The following ZSCAN25 variants were observed in gnomAD, a reference collection of about 807,000 sequenced individuals.
ZSCAN25 encodes zinc finger and SCAN domain-containing protein 25.
A neutral mutation model predicts 38.7 loss-of-function variants in ZSCAN25; 27 were observed. The ratio of observed to expected loss-of-function variants is 0.70; its 90% CI spans 0.51 to 0.96. The LOEUF (loss-of-function observed/expected upper bound fraction) is 0.96, where lower values mean the gene tolerates loss of function less well. Among genes scored for constraint, ZSCAN25 ranks in the 40% least tolerant of loss-of-function variants. ZSCAN25 has a pLI of 0.00. For missense variants in ZSCAN25, 637 were observed against 705.9 expected, an observed-to-expected ratio of 0.90 and a Z score of 1.11; for synonymous variants, 273 against 277.7, an observed-to-expected ratio of 0.98 and a Z score of 0.17.
Position 99,624,146 on chromosome 7 carries a change from G to A in ZSCAN25, c.771G>A (p.Glu257=), listed in dbSNP as rs1164852430. ...VTPAQIDCFG[E]YVEPQDCRVS... The stretch of plus-strand genomic sequence containing the variant: ...CAGCCCAGATAGACTGCTTTGGGGA[G>A]TATGTGGAACCGCAGGACTGCAGGG... The change falls in exon 7 of 8, where the codon GAG becomes GAA. Residue 257 remains glutamate (E), a synonymous_variant. Transcript: ENST00000394152. The A allele has an allele frequency of 2.5e-6, 4 of 1,613,910 alleles. No homozygotes were observed. The South Asian group carries it at 3.3e-5, about 13-fold the overall frequency.
At chr7:99,716,052 C>G in the ZSCAN25 span, 1 of 1,513,258 alleles carries the variant, frequency 6.6e-7, no homozygotes, top group Non-Finnish European at 9.0e-7. Flanking sequence ...TCTCCCATCA[C>G]ACTCCCTCAG....
the ZSCAN25 span, among the ~76,000 whole-genome samples, chr7:99,716,102 G>T: frequency 6.6e-6 from 1 of 152,152 alleles, no homozygotes; most frequent in African/African-American, 2.4e-5. Flanking sequence ...CTGGCTCTCC[G>T]CTGGGGGTGA....
the ZSCAN25 span, among the ~76,000 whole-genome samples, chr7:99,662,487 G>C: frequency 6.6e-6 from 1 of 152,198 alleles, no homozygotes; most frequent in Non-Finnish European, 1.5e-5. The surrounding 1 kb of genome is among the most constrained non-coding windows in gnomAD (Gnocchi z 4.3). Flanking sequence ...CGGTATGTTT[G>C]ATATAAATTT....
downstream of ZSCAN25, among the ~76,000 whole-genome samples, chr7:99,635,776 G>A (rs535423780): frequency 9.2e-5 from 14 of 152,242 alleles, no homozygotes; most frequent in East Asian, 7.7e-4. Flanking sequence ...GGCTGGGCGC[G>A]GTGGCTCATG....
chr7:99,643,776 C>G, the ZSCAN25 span, among the ~76,000 whole-genome samples: 10 of 151,578 alleles, frequency 6.6e-5, no homozygotes, highest in East Asian at 2.0e-4. Context: ...ATTGCTCCCC[C>G]CTCTCAGCCC....
chr7:99,689,797 A>C, the ZSCAN25 span, among the ~76,000 whole-genome samples: 1 of 152,232 alleles, frequency 6.6e-6, no homozygotes, highest in Non-Finnish European at 1.5e-5. Flanking sequence ...ATGAAATAAA[A>C]GAGGATACAA....
the ZSCAN25 span, chr7:99,638,680 A>G: frequency 6.5e-7 from 1 of 1,538,994 alleles, no homozygotes; most frequent in South Asian, 1.1e-5. Flanking sequence ...CATTTACAGG[A>G]TTGTTGTCTT....
chr7:99,736,948 A>C, the ZSCAN25 span, among the ~76,000 whole-genome samples: 1 of 152,144 alleles, frequency 6.6e-6, no homozygotes, highest in African/African-American at 2.4e-5. Flanking sequence ...GGAGGTATGC[A>C]TGTGCTGTAA....
chr7:99,642,155 ACTAT>A, the ZSCAN25 span, among the ~76,000 whole-genome samples: 1 of 152,168 alleles, frequency 6.6e-6, no homozygotes, highest in Non-Finnish European at 1.5e-5. Context: ...ACCTTCTCTA[ACTAT>A]CTGTCATGTT....
At chr7:99,636,219 A>G (rs999785394), downstream of ZSCAN25, among the ~76,000 whole-genome samples, 24 of 152,142 alleles carry the variant, frequency 1.6e-4, no homozygotes, top group African/African-American at 4.6e-4. Flanking sequence ...TAAGGATTAC[A>G]TTTATGGTGG....
chr7:99,708,499 A>C, the ZSCAN25 span, among the ~76,000 whole-genome samples: 9 of 149,678 alleles, frequency 6.0e-5, no homozygotes, highest in East Asian at 2.0e-4. Flanking sequence ...CCTTCTTCTA[A>C]TCTCCATCTC....
the ZSCAN25 span, chr7:99,722,260 A>G: frequency 2.5e-6 from 4 of 1,613,078 alleles, no homozygotes; most frequent in East Asian, 8.9e-5. Flanking sequence ...CATCATAGAA[A>G]CAAGTCTATC....
chr7:99,629,067 G>T lies in ZSCAN25; in HGVS notation c.806-124G>T. On this transcript the variant is annotated intron_variant, in intron 7 of 7. Transcript: ENST00000394152. This position sits in a 1 kb window ranked among gnomAD's most constrained non-coding sequence, Gnocchi z 5.6. ...AAAAGAAGTAAGGAAAGCCTGAGTT[G>T]AGGTTGTTGGTCAAAGGAAAAAAGA... The T allele has an allele frequency of 7.5e-7, 1 of 1,329,226 alleles. No individual in the cohort carries two copies. Among genetic ancestry groups the T allele is most frequent in the Non-Finnish European group, 1.0e-6 (1 of 982,464 alleles). The allele number at this position is 1,329,226 out of a possible 1,614,324, so 82.3% of individuals were successfully genotyped here. A position where few individuals can be genotyped will look rare whatever the true frequency, so the allele number is the denominator to read the frequency against.
chr7:99,618,190 T>A (rs1231147488), intron 1 of ZSCAN25: 1 of 152,258 alleles, frequency 6.6e-6, no homozygotes, highest in Non-Finnish European at 1.5e-5. Context: ...GTCTAGGTCT[T>A]CCGCATAATC....
downstream of ZSCAN25, among the ~76,000 whole-genome samples, chr7:99,632,789 C>T (rs941339962): frequency 6.6e-6 from 1 of 152,194 alleles, no homozygotes; most frequent in African/African-American, 2.4e-5. Context: ...GACCCTGTCT[C>T]AAAACAAAAC....
chr7:99,710,905 A>G, the ZSCAN25 span: 23 of 1,613,442 alleles, frequency 1.4e-5, no homozygotes, highest in African/African-American at 2.7e-5. Flanking sequence ...GAAAGGAGAG[A>G]AAAGACATTT....
the ZSCAN25 span, among the ~76,000 whole-genome samples, chr7:99,692,757 G>T: frequency 6.6e-6 from 1 of 152,130 alleles, no homozygotes; most frequent in Admixed American, 6.5e-5. Context: ...GTCATTTAAG[G>T]TCTTCTTGAC....
the ZSCAN25 span, chr7:99,735,233 G>T: frequency 8.3e-7 from 1 of 1,198,232 alleles, no homozygotes; most frequent in Non-Finnish European, 1.2e-6. Flanking sequence ...ATATGCTGGA[G>T]AAGGAGGCAG....
chr7:99,669,954 C>A, the ZSCAN25 span, among the ~76,000 whole-genome samples: 1 of 152,156 alleles, frequency 6.6e-6, no homozygotes, highest in Admixed American at 6.5e-5. Flanking sequence ...TTGCATAATA[C>A]ATCAAGAAAA....
Sources: allele counts gnomAD v4.1 joint callset (sites outside exome capture counted in the v4.1 genomes callset), GRCh38; gene constraint gnomAD v4.1.1; non-coding constraint Gnocchi (gnomAD v3.1); transcripts MANE v1.5; gene names NCBI Gene and HGNC (gene_info 2026-07-23, HGNC 2026-07-21).